EBF2: variants seen among roughly 807,000 people sequenced by gnomAD.
EBF2 encodes transcription factor COE2.
EBF2 carries 21 observed loss-of-function variants against 72.8 expected under a neutral mutation model. That is an observed-to-expected ratio of 0.29 (90% CI 0.20 to 0.42). The LOEUF (loss-of-function observed/expected upper bound fraction) is 0.42, where lower values mean the gene tolerates loss of function less well. Among genes scored for constraint, EBF2 ranks in the 10% least tolerant of loss-of-function variants. The probability of loss-of-function intolerance (pLI) is 1.00; values close to 1 mark genes in which losing one functional copy is unlikely to be tolerated. For missense variants in EBF2, 637 were observed against 731.2 expected (o/e 0.87, Z 1.49); for synonymous variants, 299 against 274.2 (o/e 1.09, Z -0.89).
At chr8:26,029,729 C>T (rs1200088198) in intron 6 of EBF2, among the ~76,000 whole-genome samples, 1 of 152,160 alleles carries the variant, frequency 6.6e-6, no homozygotes, top group Non-Finnish European at 1.5e-5. Context: ...GGACAAGGAA[C>T]AGAGTTCTAT....
At chr8:26,008,744 AG>A (rs5890275) in intron 6 of EBF2, among the ~76,000 whole-genome samples, 131,393 of 151,046 alleles carry the variant, frequency 0.87, 57,503 homozygotes, top group Non-Finnish European at 0.91. Flanking sequence ...GAAACCAAAC[AG>A]AAAAGAGGAA....
intron 6 of EBF2, among the ~76,000 whole-genome samples, chr8:26,010,841 G>T (rs1432253015): frequency 1.3e-5 from 2 of 152,114 alleles, no homozygotes; most frequent in African/African-American, 4.8e-5. Context: ...CTTCATCACC[G>T]AGCGTTCCAT....
intron 6 of EBF2, among the ~76,000 whole-genome samples, chr8:26,008,134 T>C (rs1018010525): frequency 8.6e-5 from 13 of 151,848 alleles, no homozygotes; most frequent in Admixed American, 6.6e-4. Flanking sequence ...GCATACAAGA[T>C]GGACTTCAGT....
rs533252717 is a variant in EBF2 at position 25,987,029 on chromosome 8, C to T, written c.551+46056G>A. On this transcript the variant is annotated intron_variant, in intron 6 of 15. Transcript: ENST00000520164. ...TGAGCACAACCCCAAAGCCACTGGT[C>T]TAGATTTTACCCTGGAATTAAAAAA... 1.4e-3 allele frequency among the ~76,000 whole-genome samples: 197 copies of T among 145,676 alleles called. 1 individual carries two copies. Among genetic ancestry groups the T allele is most frequent in the African/African-American group, 4.9e-3 (196 of 40,286 alleles).
intron 6 of EBF2, among the ~76,000 whole-genome samples, chr8:26,024,641 C>A (rs1263642654): frequency 1.3e-5 from 2 of 152,084 alleles, no homozygotes; most frequent in Admixed American, 1.3e-4. Flanking sequence ...ACTCAATCAC[C>A]CAAACTCTTC....
intron 10 of EBF2, among the ~76,000 whole-genome samples, chr8:25,864,544 C>A (rs1324746701): frequency 6.6e-6 from 1 of 151,750 alleles, no homozygotes; most frequent in East Asian, 1.9e-4. Context: ...ATGTACACAC[C>A]TATGTATACA....
At chr8:25,864,270 T>C (rs949735237) in intron 10 of EBF2, among the ~76,000 whole-genome samples, 1 of 152,194 alleles carries the variant, frequency 6.6e-6, no homozygotes, top group African/African-American at 2.4e-5. Context: ...TACATTTTTT[T>C]ACTCACCAGT....
chr8:25,926,206 G>A (rs552410909), intron 6 of EBF2, among the ~76,000 whole-genome samples: 9 of 152,256 alleles, frequency 5.9e-5, no homozygotes, highest in African/African-American at 1.2e-4. Context: ...GGGAGATCTC[G>A]TTGCTCTCGC....
chr8:25,971,849 C>T (rs1034213694), intron 6 of EBF2, among the ~76,000 whole-genome samples: 1 of 152,154 alleles, frequency 6.6e-6, no homozygotes, highest in Non-Finnish European at 1.5e-5. Context: ...ATAGGGCACC[C>T]GTCTAGGGAG....
At position 26,044,277 on chromosome 8, in the gene EBF2, C is replaced by A. The variant is rs932044678; in HGVS notation, c.131+452G>T. Among the ~76,000 whole-genome samples, 3 of 152,170 alleles carry A rather than the reference C, an allele frequency of 2.0e-5. No individual in the cohort carries two copies. The highest frequency in any genetic ancestry group is 7.2e-5 in the African/African-American group (3 of 41,452). ...CGGCCTCCCAGGCTCCAGGAATCGC[C>A]CAGCAAGATGCGGGAGGTAGGCGCT... is the stretch of plus-strand genomic sequence containing the variant. On this transcript the variant is annotated intron_variant, in intron 1 of 15. Transcript: ENST00000520164. This position sits in a 1 kb window ranked among gnomAD's most constrained non-coding sequence, Gnocchi z 4.1.
chr8:25,978,562 A>C (rs1347157520), intron 6 of EBF2, among the ~76,000 whole-genome samples: 1 of 152,116 alleles, frequency 6.6e-6, no homozygotes, highest in Non-Finnish European at 1.5e-5. Flanking sequence ...CTGGGAGCTA[A>C]AGAAAACAAG....
At chr8:25,889,975 GGGGAGAT>G (rs1240650399) in intron 7 of EBF2, 106 bp from the exon 8 acceptor site, 1 of 888,112 alleles carries the variant, frequency 1.1e-6, no homozygotes, top group Non-Finnish European at 1.9e-6. Flanking sequence ...ATTTGGCAAA[GGGGAGAT>G]GGGACAGAAC....
At chr8:25,961,743 A>G (rs1804038885) in intron 6 of EBF2, among the ~76,000 whole-genome samples, 1 of 152,166 alleles carries the variant, frequency 6.6e-6, no homozygotes, top group African/African-American at 2.4e-5. Context: ...CTAAACTGTG[A>G]ATTTTTCTTT....
intron 6 of EBF2, chr8:26,031,489 G>GCAGT (rs1288665262): frequency 1.4e-5 from 2 of 140,870 alleles, no homozygotes; most frequent in African/African-American, 5.4e-5. Context: ...AGGCTGGAGT[G>GCAGT]CAGTGGCGTG....
chr8:25,865,037 G>A (rs766825758), intron 10 of EBF2, among the ~76,000 whole-genome samples: 5 of 151,992 alleles, frequency 3.3e-5, no homozygotes, highest in East Asian at 3.9e-4. Flanking sequence ...TCCTGACCTC[G>A]TGATCCGCCT....
At chr8:25,964,872 G>A (rs190750654) in intron 6 of EBF2, among the ~76,000 whole-genome samples, 8 of 152,240 alleles carry the variant, frequency 5.3e-5, no homozygotes, top group East Asian at 3.9e-4. Context: ...GCACACAGGC[G>A]CATGCATGCA....
At chr8:25,981,885 C>G (rs529350741) in intron 6 of EBF2, among the ~76,000 whole-genome samples, 2 of 151,900 alleles carry the variant, frequency 1.3e-5, no homozygotes, top group Admixed American at 1.3e-4. Flanking sequence ...ATGGAAAGAT[C>G]TAGATGTAAA....
At position 25,857,342 on chromosome 8, in the gene EBF2, CTG is replaced by C. The variant is rs142475517; in HGVS notation, c.1528+975_1528+976del. Among the ~76,000 whole-genome samples, 944 of 152,234 alleles carry C rather than the reference CTG, an allele frequency of 6.2e-3. 10 individuals are homozygous for C. The highest frequency in any genetic ancestry group is 0.022 in the African/African-American group (903 of 41,528). On this transcript the variant is annotated intron_variant, in intron 14 of 15. Coordinates refer to ENST00000520164, the MANE Select transcript of EBF2 (RefSeq NM_022659.4). Reference sequence around the variant, plus strand: ...CCCCAGGGAACCAAAAGTCCAAAGACTGTGAAAGGCAGCTTCTGTGACATGTC... The same window carrying C: ...CCCCAGGGAACCAAAAGTCCAAAGACTGAAAGGCAGCTTCTGTGACATGTC...
intron 5 of EBF2, among the ~76,000 whole-genome samples, chr8:26,035,405 C>T (rs1470190918): frequency 6.6e-6 from 1 of 152,142 alleles, no homozygotes; most frequent in African/African-American, 2.4e-5. Flanking sequence ...CCACATCGGC[C>T]TCCCAAAGTG....
Sources: allele counts gnomAD v4.1 joint callset (sites outside exome capture counted in the v4.1 genomes callset), GRCh38; gene constraint gnomAD v4.1.1; non-coding constraint Gnocchi (gnomAD v3.1); transcripts MANE v1.5; gene names NCBI Gene and HGNC (gene_info 2026-07-23, HGNC 2026-07-21).